BMERB1: variants seen among roughly 807,000 people sequenced by gnomAD.
The protein encoded by BMERB1 is bMERB domain containing 1.
Under a neutral mutation model 23.6 loss-of-function variants are expected in BMERB1, and 12 were observed. The observed-to-expected ratio is 0.51, with a 90% confidence interval of 0.33 to 0.82. BMERB1 has a LOEUF of 0.82. Among genes scored for constraint, BMERB1 ranks in the 40% least tolerant of loss-of-function variants. BMERB1 has a pLI of 0.03. For synonymous variants in BMERB1, 122 were observed against 96.6 expected, an observed-to-expected ratio of 1.26 and a Z score of -1.54; for missense variants, 247 against 255.4, an observed-to-expected ratio of 0.97 and a Z score of 0.22.
intron 2 of BMERB1, among the ~76,000 whole-genome samples, chr16:15,530,989 A>G (rs987149906): frequency 1.5e-5 from 2 of 134,374 alleles, no homozygotes; most frequent in African/African-American, 5.7e-5. Flanking sequence ...CACTACAACC[A>G]CCACCTCCCG....
Position 15,532,843 on chromosome 16 carries a change from C to T in BMERB1, c.230+17415C>T, listed in dbSNP as rs546536978. 4.0e-4 allele frequency: 148 copies of T among 374,202 alleles called. 2 individuals are homozygous for T. The East Asian group carries it at 9.7e-3, about 25-fold the overall frequency. 23.2% of individuals were successfully genotyped at this position (374,202 alleles called of 1,614,324 possible). A position where few individuals can be genotyped will look rare whatever the true frequency, so the allele number is the denominator to read the frequency against. On this transcript the variant is annotated intron_variant, in intron 2 of 5. Transcript: ENST00000300006. ...TACAGGCGTGAGCCACCGCGCCTGGCCAGATCCCTGTTTTTTCATTACTAG... is the reference window on the plus strand; with the variant it reads ...TACAGGCGTGAGCCACCGCGCCTGGTCAGATCCCTGTTTTTTCATTACTAG...
chr16:15,493,812 G>T (rs1332699634), intron 1 of BMERB1, among the ~76,000 whole-genome samples: 1 of 152,134 alleles, frequency 6.6e-6, no homozygotes. Flanking sequence ...CAAATTTCCA[G>T]CCTGCAGGGA....
At chr16:15,450,885 C>G (rs1244754262) in intron 1 of BMERB1, among the ~76,000 whole-genome samples, 4 of 152,138 alleles carry the variant, frequency 2.6e-5, no homozygotes, top group African/African-American at 9.7e-5. Flanking sequence ...GCTTGTCATG[C>G]TGCTGCATTG....
intron 3 of BMERB1, among the ~76,000 whole-genome samples, chr16:15,570,421 G>A (rs1339272155): frequency 6.6e-6 from 1 of 152,174 alleles, no homozygotes; most frequent in Non-Finnish European, 1.5e-5. Flanking sequence ...ACAAATGTCA[G>A]TATCTTCCTT....
chr16:15,525,041 A>C (rs1466724646), intron 2 of BMERB1, among the ~76,000 whole-genome samples: 1 of 152,186 alleles, frequency 6.6e-6, no homozygotes, highest in Non-Finnish European at 1.5e-5. Context: ...TGTTTGGCCA[A>C]AGATTCTTCG....
chr16:15,511,497 C>T (rs907564048), intron 1 of BMERB1, among the ~76,000 whole-genome samples: 2 of 152,162 alleles, frequency 1.3e-5, no homozygotes, highest in Admixed American at 1.3e-4. Flanking sequence ...CCCTCTCCAA[C>T]CCAATAGCAG....
intron 1 of BMERB1, among the ~76,000 whole-genome samples, chr16:15,480,270 C>G (rs2051308550): frequency 6.6e-6 from 1 of 151,586 alleles, no homozygotes; most frequent in Admixed American, 6.6e-5. Context: ...CGCCACTATG[C>G]CCGGCTAATT....
At position 15,586,787 on chromosome 16, in the gene BMERB1, G is replaced by A. The variant is rs766316771; in HGVS notation, c.573G>A (p.Leu191=). 2 of 1,612,140 alleles carry A rather than the reference G, an allele frequency of 1.2e-6. No individual in the cohort carries two copies. The highest frequency in any genetic ancestry group is 1.1e-5 in the South Asian group (1 of 90,378). The change falls in exon 6 of 6, where the codon CTG becomes CTA. Residue 191 remains leucine, a synonymous_variant. Coordinates refer to ENST00000300006, the MANE Select transcript of BMERB1 (RefSeq NM_033201.3). The part of the protein sequence containing the change: ...KPTVAKTGLA[L]IKDCCGATQC... ...CGGTGGCCAAGACGGGGCTGGCACTGATCAAGGATTGTTGCGGGGCCACCC... is the reference window on the plus strand; with the variant it reads ...CGGTGGCCAAGACGGGGCTGGCACTAATCAAGGATTGTTGCGGGGCCACCC...
At chr16:15,495,362 A>AGTTTTTT (rs1367864926) in intron 1 of BMERB1, among the ~76,000 whole-genome samples, 4 of 150,936 alleles carry the variant, frequency 2.7e-5, no homozygotes, top group East Asian at 3.9e-4. Flanking sequence ...TGCCCAGCTA[A>AGTTTTTT]GTTTTTTGTT....
intron 2 of BMERB1, among the ~76,000 whole-genome samples, chr16:15,551,051 T>C (rs1435109932): frequency 6.6e-6 from 1 of 152,150 alleles, no homozygotes; most frequent in Non-Finnish European, 1.5e-5. Flanking sequence ...AGAGCCCAGA[T>C]GCTGAGCCAG....
intron 2 of BMERB1, among the ~76,000 whole-genome samples, chr16:15,555,844 CAT>C (rs1472859139): frequency 2.0e-5 from 3 of 152,120 alleles, no homozygotes; most frequent in East Asian, 1.9e-4. Flanking sequence ...AACCAATGCA[CAT>C]GTTTATCATC....
intron 1 of BMERB1, among the ~76,000 whole-genome samples, chr16:15,497,736 G>C (rs1349620037): frequency 2.0e-5 from 3 of 152,174 alleles, no homozygotes; most frequent in East Asian, 1.9e-4. Flanking sequence ...GGAGCATGAA[G>C]TCAACAGGAA....
rs140552975 is a variant in BMERB1 at position 15,522,101 on chromosome 16, C to T, written c.230+6673C>T. On this transcript the variant is annotated intron_variant, in intron 2 of 5. Coordinates refer to ENST00000300006, the MANE Select transcript of BMERB1 (RefSeq NM_033201.3). ...TTTCAGATAATTAAGTATCTTTGGC[C>T]TCCACATGGGGCAGGGGTGTGGTTA... 3.6e-3 allele frequency among the ~76,000 whole-genome samples: 544 copies of T among 152,304 alleles called. 7 individuals carry two copies. The highest frequency in any genetic ancestry group is 0.012 in the African/African-American group (513 of 41,564).
chr16:15,528,507 T>C (rs908893302), intron 2 of BMERB1, among the ~76,000 whole-genome samples: 3 of 152,140 alleles, frequency 2.0e-5, no homozygotes, highest in African/African-American at 7.2e-5. Flanking sequence ...TTGCTGGATC[T>C]GCTCACACCT....
At chr16:15,583,006 A>G in intron 4 of BMERB1, 150 bp from the exon 5 acceptor site, 1 of 674,582 alleles carries the variant, frequency 1.5e-6, no homozygotes. Context: ...CAGATACAAC[A>G]TATACATACT....
chr16:15,570,357 T>C (rs974838027), intron 3 of BMERB1, among the ~76,000 whole-genome samples: 2 of 152,148 alleles, frequency 1.3e-5, no homozygotes, highest in East Asian at 3.9e-4. Context: ...AAGTGCAGCA[T>C]GATGAGCCTT....
chr16:15,560,154 T>C (rs1289984046), intron 2 of BMERB1, among the ~76,000 whole-genome samples: 6 of 152,316 alleles, frequency 3.9e-5, no homozygotes, highest in Non-Finnish European at 8.8e-5. Flanking sequence ...GATGGAGTCC[T>C]GCAGCGTGAA....
At chr16:15,570,397 G>A (rs945638045) in intron 3 of BMERB1, among the ~76,000 whole-genome samples, 1 of 152,152 alleles carries the variant, frequency 6.6e-6, no homozygotes, top group Non-Finnish European at 1.5e-5. Context: ...TTCAACTATT[G>A]ACATTTGGGG....
At chr16:15,514,964 C>T (rs1171678266) in intron 1 of BMERB1, among the ~76,000 whole-genome samples, 3 of 152,118 alleles carry the variant, frequency 2.0e-5, no homozygotes, top group Non-Finnish European at 2.9e-5. Context: ...CACCTGTAGT[C>T]CCAGCTACTC....
Sources: gnomAD v4.1 joint callset for allele counts (sites outside exome capture counted in the v4.1 genomes callset) on GRCh38, gnomAD v4.1.1 for gene constraint, MANE v1.5 for transcripts, NCBI Gene and HGNC (gene_info 2026-07-23, HGNC 2026-07-21) for gene names.